Variants in FAM149B1 observed in about 807,000 individuals in gnomAD.
FAM149B1 encodes the protein family with sequence similarity 149 member B1, also known as primary cilium assembly protein FAM149B1.
In FAM149B1, 56 loss-of-function variants were observed where a neutral mutation model predicts 75.3. That is an observed-to-expected ratio of 0.74 (90% CI 0.60 to 0.93). FAM149B1 has a LOEUF of 0.93. FAM149B1 is among the 40% of genes least tolerant of loss of function. FAM149B1 has a pLI of 0.00. For synonymous variants in FAM149B1, 259 were observed against 256.1 expected (o/e 1.01, Z -0.11); for missense variants, 639 against 708.4 (o/e 0.90, Z 1.11).
chr10:73,237,542 C>A (rs1446727378), intron 12 of FAM149B1, among the ~76,000 whole-genome samples: 1 of 151,980 alleles, frequency 6.6e-6, no homozygotes, highest in Non-Finnish European at 1.5e-5. Flanking sequence ...GCCTCAGCCT[C>A]CTGAGTAGCT....
At chr10:73,181,213 G>A (rs1056853590) in intron 3 of FAM149B1, among the ~76,000 whole-genome samples, 9 of 151,904 alleles carry the variant, frequency 5.9e-5, no homozygotes, top group African/African-American at 1.2e-4. Flanking sequence ...GTTTCACCAC[G>A]TTATCCAGGA....
chr10:73,230,671 C>T (rs1026118542), intron 9 of FAM149B1, 146 bp downstream of exon 9: 5 of 579,666 alleles, frequency 8.6e-6, no homozygotes, highest in Non-Finnish European at 1.6e-5. Context: ...GACATGGTCT[C>T]CACCATCAGG....
At chr10:73,211,257 G>T (rs533677473) in intron 7 of FAM149B1, among the ~76,000 whole-genome samples, 1 of 152,190 alleles carries the variant, frequency 6.6e-6, no homozygotes, top group East Asian at 1.9e-4. Context: ...CTCCCTAGAG[G>T]TTAAGGGGTG....
chr10:73,236,775 T>G (rs1380619995), intron 12 of FAM149B1, among the ~76,000 whole-genome samples: 1 of 148,908 alleles, frequency 6.7e-6, no homozygotes, highest in Non-Finnish European at 1.5e-5. Flanking sequence ...CAGGCTGGAG[T>G]GCAGAGCACA....
Position 73,242,146 on chromosome 10 carries a change from A to G in FAM149B1, c.*1127A>G, listed in dbSNP as rs1361202584. On this transcript the variant is annotated 3_prime_UTR_variant, in exon 14 of 14. Transcript: ENST00000242505. ...TGCTTCAAACAACCTGCATTAAATT[A>G]TATTTTTAATAAAATTAAAATCTAT... 6.6e-6 allele frequency: 1 copy of G among 152,208 alleles called. No individual in the cohort carries two copies. Among genetic ancestry groups the G allele is most frequent in the Non-Finnish European group, 1.5e-5 (1 of 68,030 alleles). 9.4% of individuals were successfully genotyped at this position (152,208 alleles called of 1,614,324 possible). A position where few individuals can be genotyped will look rare whatever the true frequency, so the allele number is the denominator to read the frequency against.
At chr10:73,177,720 C>T in intron 2 of FAM149B1, 126 bp from the exon 3 acceptor site, 2 of 751,836 alleles carry the variant, frequency 2.7e-6, no homozygotes, top group Non-Finnish European at 2.1e-6. Context: ...TTTATTTTTG[C>T]CTATGTGGAT....
intron 5 of FAM149B1, among the ~76,000 whole-genome samples, chr10:73,203,757 A>G (rs927967341): frequency 1.3e-4 from 20 of 151,820 alleles, no homozygotes; most frequent in African/African-American, 4.8e-4. Context: ...CTTCCACTTC[A>G]GCCTCCTGAG....
chr10:73,170,077 T>C (rs1843646895), intron 1 of FAM149B1, among the ~76,000 whole-genome samples: 1 of 152,002 alleles, frequency 6.6e-6, no homozygotes, highest in African/African-American at 2.4e-5. Flanking sequence ...ACATACATGA[T>C]AATTGCAAGC....
chr10:73,235,597 A>G, intron 12 of FAM149B1: 1 of 469,548 alleles, frequency 2.1e-6, no homozygotes, highest in South Asian at 2.7e-5. Flanking sequence ...CCCAGTACAC[A>G]TCAGATAAGC....
intron 7 of FAM149B1, among the ~76,000 whole-genome samples, chr10:73,218,766 G>A (rs1318189038): frequency 6.6e-6 from 1 of 152,128 alleles, no homozygotes; most frequent in East Asian, 1.9e-4. Context: ...TCTGTCCAAT[G>A]TTAGCATCTT....
At chr10:73,220,896 T>C (rs953419249) in intron 7 of FAM149B1, among the ~76,000 whole-genome samples, 5 of 152,238 alleles carry the variant, frequency 3.3e-5, no homozygotes, top group African/African-American at 9.6e-5. Context: ...TATTTTGTTA[T>C]GGCAGCCCTA....
chr10:73,188,483 T>G (rs890526433), intron 3 of FAM149B1, among the ~76,000 whole-genome samples: 1 of 152,132 alleles, frequency 6.6e-6, no homozygotes, highest in Non-Finnish European at 1.5e-5. Flanking sequence ...AATTTACATC[T>G]TTTTTACTTT....
At chr10:73,181,228 C>T (rs998792653) in intron 3 of FAM149B1, among the ~76,000 whole-genome samples, 10 of 152,100 alleles carry the variant, frequency 6.6e-5, no homozygotes, top group Non-Finnish European at 1.3e-4. Flanking sequence ...CCAGGATGGT[C>T]TCGATCTCCT....
chr10:73,209,001 T>C (rs2043129027), intron 6 of FAM149B1, among the ~76,000 whole-genome samples: 1 of 152,240 alleles, frequency 6.6e-6, no homozygotes, highest in African/African-American at 2.4e-5. Flanking sequence ...ATCATTTGCC[T>C]GTTCCTGAGA....
At chr10:73,194,220 A>G (rs1443273633) in intron 5 of FAM149B1, among the ~76,000 whole-genome samples, 2 of 152,100 alleles carry the variant, frequency 1.3e-5, no homozygotes, top group East Asian at 3.9e-4. Context: ...GTGCTTAAGG[A>G]TATTCTTATT....
intron 3 of FAM149B1, among the ~76,000 whole-genome samples, chr10:73,180,908 C>G (rs796969541): frequency 6.6e-6 from 1 of 152,048 alleles, no homozygotes; most frequent in East Asian, 1.9e-4. Context: ...TCCTCACCCC[C>G]CCACTACCCT....
At position 73,243,615 on chromosome 10, in the gene FAM149B1, A is replaced by G; in HGVS notation, c.*2596A>G. On this transcript the variant is annotated 3_prime_UTR_variant, in exon 14 of 14. Transcript: ENST00000242505. ...GGGCTGGAAAAGTGGAATAACTACT[A>G]ATGGGTATGGAGTTTTTTTGGAATG... The G allele has an allele frequency of 6.7e-7, 1 of 1,488,656 alleles. No individual in the cohort carries two copies. Among genetic ancestry groups the G allele is most frequent in the Non-Finnish European group, 9.2e-7 (1 of 1,088,454 alleles). The allele number at this position is 1,488,656 out of a possible 1,614,324, so 92.2% of individuals were successfully genotyped here.
chr10:73,240,842 GA>G (rs897853026), intron 13 of FAM149B1, 103 bp from the exon 14 acceptor site: 1 of 703,632 alleles, frequency 1.4e-6, no homozygotes, highest in African/African-American at 1.8e-5. Context: ...CATACCTTAA[GA>G]AAGTCCAATT....
At chr10:73,176,181 A>G (rs1589134330) in intron 2 of FAM149B1, among the ~76,000 whole-genome samples, 2 of 152,052 alleles carry the variant, frequency 1.3e-5, no homozygotes, top group African/African-American at 4.8e-5. Context: ...GGAATGCACA[A>G]CCTAGATCCC....
Sources: gnomAD v4.1 joint callset for allele counts (sites outside exome capture counted in the v4.1 genomes callset) on GRCh38, gnomAD v4.1.1 for gene constraint, MANE v1.5 for transcripts, NCBI Gene and HGNC (gene_info 2026-07-23, HGNC 2026-07-21) for gene names.